Variants in BBOF1 observed in about 807,000 individuals in gnomAD.
BBOF1 encodes basal body orientation factor 1, also known as basal body-orientation factor 1.
A neutral mutation model predicts 68.0 loss-of-function variants in BBOF1; 62 were observed. The ratio of observed to expected loss-of-function variants is 0.91; its 90% CI spans 0.74 to 1.13. The LOEUF (loss-of-function observed/expected upper bound fraction) is 1.13, where lower values mean the gene tolerates loss of function less well. BBOF1 is among the 50% of genes most tolerant of loss of function. The pLI is 0.00. For synonymous variants in BBOF1, 208 were observed against 198.8 expected, an observed-to-expected ratio of 1.05 and a Z score of -0.39; for missense variants, 534 against 600.1, an observed-to-expected ratio of 0.89 and a Z score of 1.15.
At chr14:74,068,539 A>G (rs778529029), downstream of BBOF1, among the ~76,000 whole-genome samples, 32 of 151,970 alleles carry the variant, frequency 2.1e-4, no homozygotes, top group Non-Finnish European at 2.8e-4. Context: ...AGGAGATCGA[A>G]ACCATCCTGG....
intron 8 of BBOF1, among the ~76,000 whole-genome samples, chr14:74,051,941 T>A (rs975746789): frequency 6.6e-6 from 1 of 151,706 alleles, no homozygotes; most frequent in Admixed American, 6.6e-5. Flanking sequence ...ATTTTATAGG[T>A]TGTTTTGAAT....
chr14:74,045,980 A>G (rs1010188378), intron 5 of BBOF1, 80 bp from the exon 6 acceptor site: 5 of 1,292,658 alleles, frequency 3.9e-6, no homozygotes, highest in African/African-American at 3.0e-5. Context: ...TTTATTTGAC[A>G]TTCTAAAATA....
chr14:74,048,078 C>G lies in BBOF1; in HGVS notation c.792+4C>G. ...TACTTTACTTTTACATCAAAAGGTT[C>G]CCTCTCATTTAGACTTGGTGTCCTT... On this transcript the variant is annotated splice_donor_region_variant and intron_variant, in intron 7 of 11. Transcript: ENST00000394009. The G allele has an allele frequency of 6.2e-7, 1 of 1,605,290 alleles. No individual in the cohort carries two copies. Among genetic ancestry groups the G allele is most frequent in the Admixed American group, 1.7e-5 (1 of 57,752 alleles).
intron 11 of BBOF1, among the ~76,000 whole-genome samples, chr14:74,064,306 A>AT (rs1555376462): frequency 2.7e-5 from 4 of 147,242 alleles, no homozygotes; most frequent in African/African-American, 7.5e-5. Flanking sequence ...TCAAAAAAAA[A>AT]AAAAATAATA....
At chr14:74,077,863 G>C (rs548639844) in intron 9 of BBOF1, among the ~76,000 whole-genome samples, 8 of 152,304 alleles carry the variant, frequency 5.3e-5, no homozygotes, top group East Asian at 1.9e-4. Context: ...ACCTACTTCA[G>C]AGTTAAAGAT....
intron 11 of BBOF1, 96 bp downstream of exon 11, chr14:74,057,354 G>T: frequency 6.3e-7 from 1 of 1,581,104 alleles, no homozygotes. Flanking sequence ...TACTAGTTGA[G>T]AGACTTCAGG....
At chr14:74,028,533 G>A (rs1325129831) in intron 2 of BBOF1, among the ~76,000 whole-genome samples, 4 of 145,036 alleles carry the variant, frequency 2.8e-5, no homozygotes, top group African/African-American at 7.7e-5. Context: ...AAGCAAATGC[G>A]GCAAAATTAA....
intron 11 of BBOF1, among the ~76,000 whole-genome samples, chr14:74,061,411 C>T (rs147021063): frequency 3.4e-4 from 52 of 152,240 alleles, no homozygotes; most frequent in Middle Eastern, 3.4e-3. Flanking sequence ...ATGTGATTCT[C>T]CTGCCTCAGC....
chr14:74,051,075 C>A (rs768019107), intron 8 of BBOF1, among the ~76,000 whole-genome samples: 5 of 151,992 alleles, frequency 3.3e-5, no homozygotes, highest in African/African-American at 4.8e-5. Flanking sequence ...GAAACCCTGT[C>A]TCTACTAAAA....
At chr14:74,082,502 C>T (rs982695146) in intron 12 of BBOF1, among the ~76,000 whole-genome samples, 2 of 146,160 alleles carry the variant, frequency 1.4e-5, no homozygotes, top group African/African-American at 5.1e-5. Context: ...CGGGTTCAAG[C>T]GATTCTCCTG....
intron 11 of BBOF1, among the ~76,000 whole-genome samples, chr14:74,062,458 G>A (rs1234716627): frequency 9.9e-5 from 15 of 152,058 alleles, no homozygotes; most frequent in South Asian, 6.2e-4. Flanking sequence ...AAAAATTGGC[G>A]GGTGTGGTGG....
intron 10 of BBOF1, among the ~76,000 whole-genome samples, chr14:74,080,614 AT>A (rs967873939): frequency 7.3e-5 from 11 of 151,332 alleles, no homozygotes; most frequent in East Asian, 3.9e-4. Flanking sequence ...ATTAAAAAAA[AT>A]TTTTTTTTGT....
At chr14:74,077,942 T>C (rs1488555376) in intron 9 of BBOF1, among the ~76,000 whole-genome samples, 1 of 152,192 alleles carries the variant, frequency 6.6e-6, no homozygotes, top group Non-Finnish European at 1.5e-5. Flanking sequence ...TTAAATCTTA[T>C]TGTTATGTCA....
At position 74,057,404 on chromosome 14, in the gene BBOF1, A is replaced by T. The variant is rs912440922; in HGVS notation, c.1578+146A>T. 5 of 1,530,520 alleles carry T rather than the reference A, an allele frequency of 3.3e-6. No homozygotes were observed. In the African/African-American group the frequency reaches 6.9e-5, roughly 21 times the overall value. 94.8% of individuals were successfully genotyped at this position (1,530,520 alleles called of 1,614,324 possible). A position where few individuals can be genotyped will look rare whatever the true frequency, so the allele number is the denominator to read the frequency against. ...GTAATAAATAGCATTAGTAGATTAC[A>T]TAAATTTTTAAAGCAATATCCGTAC... On this transcript the variant is annotated intron_variant, in intron 11 of 11. Transcript: ENST00000394009.
At position 74,024,825 on chromosome 14, in the gene BBOF1, A is replaced by G. The variant is rs569054825; in HGVS notation, c.285+1681A>G. 2.6e-5 allele frequency among the ~76,000 whole-genome samples: 4 copies of G among 152,076 alleles called. No homozygotes were observed. The South Asian group carries it at 8.3e-4, about 32-fold the overall frequency. ...GCCATGTCGCCCAGGCTAGCCTCGA[A>G]CTCCTGGGCTCAAGAAATCCTCCCA... is the stretch of plus-strand genomic sequence containing the variant. On this transcript the variant is annotated intron_variant, in intron 2 of 11. Coordinates refer to ENST00000394009, the MANE Select transcript of BBOF1 (RefSeq NM_025057.3).
chr14:74,027,386 T>A (rs1159657427), intron 2 of BBOF1, among the ~76,000 whole-genome samples: 1 of 32,138 alleles, frequency 3.1e-5, no homozygotes, highest in Non-Finnish European at 6.6e-5. Context: ...CTCGCCCAGC[T>A]TTTTTTTTTT....
chr14:74,034,033 A>G lies in BBOF1; in HGVS notation c.357A>G (p.Gln119=), dbSNP rs1385024327. The G allele has an allele frequency of 1.9e-6, 3 of 1,593,712 alleles. No homozygotes were observed. The highest frequency in any genetic ancestry group is 2.6e-6 in the Non-Finnish European group (3 of 1,172,958). The change falls in exon 4 of 12, where the codon CAA becomes CAG. Residue 119 remains glutamine (Q), a synonymous_variant. Transcript: ENST00000394009. The part of the protein sequence containing the change: ...KAQEEKDKLE[Q]KYTRQINELE... ...TACCTCTTTTTTGAATACAGGAACA[A>G]AAGTATACCAGGCAAATTAATGAAC...
chr14:74,040,939 A>C, intron 5 of BBOF1: 1 of 376,776 alleles, frequency 2.7e-6, no homozygotes, highest in Non-Finnish European at 4.7e-6. Context: ...CTCCCATTAT[A>C]TAGGGAAGAT....
At chr14:74,041,809 G>A (rs1430567782) in intron 5 of BBOF1, among the ~76,000 whole-genome samples, 1 of 152,158 alleles carries the variant, frequency 6.6e-6, no homozygotes, top group East Asian at 1.9e-4. Context: ...GGCCAAGGTG[G>A]GCGGATCACT....
Sources: gnomAD v4.1 joint callset for allele counts (sites outside exome capture counted in the v4.1 genomes callset) on GRCh38, gnomAD v4.1.1 for gene constraint, MANE v1.5 for transcripts, NCBI Gene and HGNC (gene_info 2026-07-23, HGNC 2026-07-21) for gene names.